The following CENPF variants were observed in gnomAD, a reference collection of about 807,000 sequenced individuals.
CENPF encodes the protein AH antigen.
In CENPF, 214 loss-of-function variants were observed where a neutral mutation model predicts 307.3. The ratio of observed to expected loss-of-function variants is 0.70; its 90% CI spans 0.62 to 0.78. The LOEUF (loss-of-function observed/expected upper bound fraction) is 0.78. Among genes scored for constraint, CENPF ranks in the 30% least tolerant of loss-of-function variants. The pLI is 0.00. For synonymous variants in CENPF, 1,259 were observed against 1,270.6 expected (o/e 0.99, Z 0.19); for missense variants, 3,401 against 3,483.9 (o/e 0.98, Z 0.60).
intron 7 of CENPF, among the ~76,000 whole-genome samples, chr1:214,626,922 T>C (rs1012626028): frequency 2.0e-5 from 3 of 152,240 alleles, no homozygotes; most frequent in East Asian, 1.9e-4. Flanking sequence ...ACTTTACTTA[T>C]TTGGTTTTGG....
intron 3 of CENPF, 113 bp downstream of exon 3, chr1:214,615,141 A>G: frequency 1.6e-6 from 1 of 621,640 alleles, no homozygotes; most frequent in Non-Finnish European, 2.7e-6. Flanking sequence ...TTTTCCTGGT[A>G]GAATAAGTAA....
intron 7 of CENPF, 112 bp downstream of exon 7, chr1:214,622,393 A>G (rs559013922): frequency 6.5e-6 from 6 of 918,246 alleles, no homozygotes; most frequent in South Asian, 1.8e-5. Context: ...CTTTGTTAAT[A>G]TATATTAGGT....
rs1658855519 is a variant in CENPF, at chr1:214,664,024, G to C, written c.*230G>C. 6.2e-6 allele frequency: 3 copies of C among 485,208 alleles called. No homozygotes were observed. The highest frequency in any genetic ancestry group is 1.9e-5 in the African/African-American group (1 of 52,196). The allele number at this position is 485,208 out of a possible 1,614,324, so 30.1% of individuals were successfully genotyped here. A position where few individuals can be genotyped will look rare whatever the true frequency, so the allele number is the denominator to read the frequency against. On this transcript the variant is annotated 3_prime_UTR_variant, in exon 20 of 20. Transcript: ENST00000366955. ...CCATTCCTCTACTGCAATGTAAATA[G>C]TATAAAGCTATGTATATAAAGCTTT...
rs750466890 is a variant in CENPF, at chr1:214,643,023, C to T, written c.4685C>T (p.Ser1562Phe). 2.5e-6 allele frequency: 4 copies of T among 1,609,152 alleles called. No individual in the cohort carries two copies. The highest frequency in any genetic ancestry group is 1.7e-5 in the Admixed American group (1 of 58,574). ...LESLCEVYRQ[S>F]LEKLEEKMES... is the part of the protein sequence containing the mutation. ...TCCCTCTGTGAGGTGTACCGGCAGT[C>T]CCTCGAGAAGCTAGAAGAGAAAATG... Residue 1562 changes from serine to phenylalanine, a missense_variant, in exon 12 of 20, where the codon TCC becomes TTC. By Grantham distance (155) the Ser-to-Phe change is radical. Coordinates refer to ENST00000366955, the MANE Select transcript of CENPF (RefSeq NM_016343.4).
At position 214,641,797 on chromosome 1, in the gene CENPF, T is replaced by G; in HGVS notation, c.3459T>G (p.Asn1153Lys). The change falls in exon 12 of 20, where the codon AAT becomes AAG. Residue 1153 changes from asparagine (N) to lysine (K), a missense_variant. Transcript: ENST00000366955. The stretch of plus-strand genomic sequence containing the variant: ...AAGTTAATGACTTATTACAAGAGAA[T>G]GAACAGCTGATGAAGGTAATGAAGA... Reference protein sequence around the residue: ...QKEVNDLLQENEQLMKVMKTK... With the variant: ...QKEVNDLLQEKEQLMKVMKTK... 6.2e-7 allele frequency: 1 copy of G among 1,603,804 alleles called. No homozygotes were observed. Among genetic ancestry groups the G allele is most frequent in the South Asian group, 1.1e-5 (1 of 88,260 alleles).
intron 1 of CENPF, chr1:214,606,012 G>C: frequency 4.4e-6 from 7 of 1,596,730 alleles, no homozygotes; most frequent in Non-Finnish European, 5.9e-6. Flanking sequence ...CGCGAGGCCA[G>C]GTCCACGGTG....
At chr1:214,619,306 T>G (rs1657443975) in intron 5 of CENPF, 86 bp downstream of exon 5, 1 of 705,788 alleles carries the variant, frequency 1.4e-6, no homozygotes, top group Non-Finnish European at 2.4e-6. Context: ...AAAAATCTGT[T>G]TTACATAGAG....
At position 214,622,469 on chromosome 1, in the gene CENPF, C is replaced by T. The variant is rs556631466; in HGVS notation, c.1068+188C>T. Among the ~76,000 whole-genome samples the T allele has an allele frequency of 5.9e-5, 9 of 152,270 alleles. No individual in the cohort carries two copies. The East Asian group carries it at 7.7e-4, about 13-fold the overall frequency. On this transcript the variant is annotated intron_variant, in intron 7 of 19. Coordinates refer to ENST00000366955, the MANE Select transcript of CENPF (RefSeq NM_016343.4). Reference sequence around the variant, plus strand: ...GCAGATCCGGGATCAAGCCTGGTGCCGTACTTTCCCAGCTGAGTGACGTTG... The same window carrying T: ...GCAGATCCGGGATCAAGCCTGGTGCTGTACTTTCCCAGCTGAGTGACGTTG...
intron 10 of CENPF, among the ~76,000 whole-genome samples, chr1:214,633,062 TAAAC>T (rs146623768): frequency 0.02 from 3,108 of 152,300 alleles, 46 homozygotes; most frequent in African/African-American, 0.043. Context: ...TAGATTTAAA[TAAAC>T]AAAAGTAGTG....
chr1:214,605,629 TC>T (rs1657002840), intron 1 of CENPF: 5 of 1,490,216 alleles, frequency 3.4e-6, no homozygotes, highest in Admixed American at 1.9e-5. Flanking sequence ...CGGGGTGAGG[TC>T]CGGGGGCTGC....
At chr1:214,655,480 G>A in intron 17 of CENPF, 77 bp downstream of exon 17, 1 of 1,223,084 alleles carries the variant, frequency 8.2e-7, no homozygotes, top group South Asian at 2.2e-5. Flanking sequence ...TGCGTGCATA[G>A]GAACTATTTT....
intron 10 of CENPF, among the ~76,000 whole-genome samples, chr1:214,636,021 C>A (rs1657957257): frequency 6.6e-6 from 1 of 151,912 alleles, no homozygotes; most frequent in Non-Finnish European, 1.5e-5. Flanking sequence ...AATATTTTTT[C>A]ATTTGCAAAA....
At chr1:214,652,312 G>T (rs1038615774) in intron 15 of CENPF, among the ~76,000 whole-genome samples, 1 of 151,868 alleles carries the variant, frequency 6.6e-6, no homozygotes, top group African/African-American at 2.4e-5. Flanking sequence ...TGGGATTACA[G>T]GCGTGAGCCA....
chr1:214,642,737 G>A lies in CENPF; in HGVS notation c.4399G>A (p.Gly1467Ser), dbSNP rs1333252001. The A allele has an allele frequency of 4.3e-6, 7 of 1,614,030 alleles. No homozygotes were observed. The highest frequency in any genetic ancestry group is 2.7e-5 in the African/African-American group (2 of 74,926). Residue 1467 changes from glycine (G) to serine (S), a missense_variant, in exon 12 of 20, where the codon GGC becomes AGC. Coordinates refer to ENST00000366955, the MANE Select transcript of CENPF (RefSeq NM_016343.4). ...TGACTTGGTGAAGGAGATGCAGCTG[G>A]GCTTGGAGGAGGGGCTCGTTCCATC... ...QGDLVKEMQL[G>S]LEEGLVPSLS...
intron 7 of CENPF, among the ~76,000 whole-genome samples, chr1:214,625,620 C>T (rs1657632513): frequency 6.6e-6 from 1 of 151,804 alleles, no homozygotes; most frequent in South Asian, 2.1e-4. Flanking sequence ...TTTTGTTTTC[C>T]ATTTCTTTCT....
intron 15 of CENPF, among the ~76,000 whole-genome samples, chr1:214,652,411 G>T (rs335527): frequency 1.3e-4 from 19 of 149,578 alleles, no homozygotes; most frequent in Non-Finnish European, 2.2e-4. Context: ...AATAGTCCTT[G>T]GAAAGGCAGG....
At chr1:214,637,757 T>G in intron 10 of CENPF, 109 bp from the exon 11 acceptor site, 1 of 1,052,306 alleles carries the variant, frequency 9.5e-7, no homozygotes, top group Non-Finnish European at 1.3e-6. Context: ...TGTGATTCTT[T>G]CCCTAGTGAG....
rs759022802 is a variant in CENPF, at chr1:214,657,032, A to T, written c.8585A>T (p.Asp2862Val). Residue 2862 changes from aspartate to valine, a missense_variant, in exon 18 of 20, where the codon GAT (aspartate) becomes GTT (valine). Coordinates refer to ENST00000366955, the MANE Select transcript of CENPF (RefSeq NM_016343.4). The part of the protein sequence containing the change: ...EKTKEADEYL[D>V]KYCSLLISHE... Reference sequence around the variant, plus strand: ...ACCAAGGAGGCAGATGAATACTTGGATAAGTACTGTTCCTTGCTTATAAGC... The same window carrying T: ...ACCAAGGAGGCAGATGAATACTTGGTTAAGTACTGTTCCTTGCTTATAAGC... The T allele has an allele frequency of 6.2e-7, 1 of 1,614,118 alleles. No homozygotes were observed. The highest frequency in any genetic ancestry group is 1.7e-5 in the Admixed American group (1 of 60,028).
At chr1:214,637,174 T>C (rs533105992) in intron 10 of CENPF, among the ~76,000 whole-genome samples, 13 of 152,316 alleles carry the variant, frequency 8.5e-5, no homozygotes, top group African/African-American at 2.9e-4. Flanking sequence ...TCCTCTGTGT[T>C]CCAGCCCTCT....
Sources: gnomAD v4.1 joint callset for allele counts (sites outside exome capture counted in the v4.1 genomes callset) on GRCh38, gnomAD v4.1.1 for gene constraint, MANE v1.5 for transcripts, NCBI Gene and HGNC (gene_info 2026-07-23, HGNC 2026-07-21) for gene names.